Variants in CACNA2D4 observed in about 807,000 individuals in gnomAD.
CACNA2D4 encodes voltage-dependent calcium channel subunit alpha-2/delta-4.
A neutral mutation model predicts 163.8 loss-of-function variants in CACNA2D4; 157 were observed. That is an observed-to-expected ratio of 0.96 (90% confidence interval 0.84 to 1.09). The LOEUF is 1.09. Among genes scored for constraint, CACNA2D4 ranks in the 50% least tolerant of loss-of-function variants. CACNA2D4 has a pLI of 0.00. For synonymous variants in CACNA2D4, 598 were observed against 586.9 expected (o/e 1.02, Z -0.27); for missense variants, 1,410 against 1,479.9 (o/e 0.95, Z 0.78).
chr12:1,877,108 T>C (rs1036349496), intron 16 of CACNA2D4, among the ~76,000 whole-genome samples: 2 of 152,254 alleles, frequency 1.3e-5, no homozygotes, highest in African/African-American at 2.4e-5. Flanking sequence ...AATTGTTTCA[T>C]TTGTGTAAGT....
chr12:1,834,234 T>G lies in CACNA2D4; in HGVS notation c.2551+6505A>C, dbSNP rs750898578. 6.6e-7 allele frequency: 1 copy of G among 1,522,176 alleles called. No individual in the cohort carries two copies. 94.3% of individuals were successfully genotyped at this position (1,522,176 alleles called of 1,614,324 possible). A position where few individuals can be genotyped will look rare whatever the true frequency, so the allele number is the denominator to read the frequency against. On this transcript the variant is annotated intron_variant, in intron 26 of 37. Transcript: ENST00000382722. The surrounding 1 kb of genome is among the most constrained non-coding windows in gnomAD (Gnocchi z 7.6). Reference sequence around the variant, plus strand: ...AGAGGGAGTGCAAGTTCTAGATGCCTGGTCAGCCCCTCTTTTTCTCTTCTG... The same window carrying G: ...AGAGGGAGTGCAAGTTCTAGATGCCGGGTCAGCCCCTCTTTTTCTCTTCTG...
chr12:1,867,807 G>A (rs964682819), intron 18 of CACNA2D4, among the ~76,000 whole-genome samples: 9 of 151,962 alleles, frequency 5.9e-5, no homozygotes, highest in African/African-American at 1.9e-4. Flanking sequence ...ATTTAAATAT[G>A]GACCTGAATA....
intron 23 of CACNA2D4, among the ~76,000 whole-genome samples, chr12:1,852,290 G>A (rs547035797): frequency 6.6e-6 from 1 of 152,246 alleles, no homozygotes; most frequent in East Asian, 1.9e-4. Context: ...TCTTGTTCCT[G>A]TCTTTAGTGA....
chr12:1,867,555 A>G (rs184522610), intron 18 of CACNA2D4, among the ~76,000 whole-genome samples: 3 of 152,348 alleles, frequency 2.0e-5, no homozygotes, highest in Non-Finnish European at 2.9e-5. Context: ...TGGAAGCATA[A>G]GAAACAACAG....
Position 1,793,710 on chromosome 12 carries a change from G to T in CACNA2D4, c.3359C>A (p.Pro1120His), listed in dbSNP as rs1863036521. The change falls in exon 38 of 38, where the codon CCC (proline) becomes CAC (histidine). Residue 1120 changes from proline (P) to histidine (H), a missense_variant. By Grantham distance (77) the Pro-to-His change is moderately conservative. Transcript: ENST00000382722. ...GGCACACACAGGCAGCAGGAGTAGG[G>T]GCGGCGAGGCTGAGGTGTCCGAGGC... ...GGASDTSASP[P>H]LLLLPVCAWG... The T allele has an allele frequency of 6.2e-7, 1 of 1,613,646 alleles. No individual in the cohort carries two copies. The highest frequency in any genetic ancestry group is 1.1e-5 in the South Asian group (1 of 91,084).
intron 2 of CACNA2D4, among the ~76,000 whole-genome samples, chr12:1,914,170 G>A (rs1418159323): frequency 6.6e-6 from 1 of 152,210 alleles, no homozygotes; most frequent in Non-Finnish European, 1.5e-5. Flanking sequence ...GGATCTTTGT[G>A]ATATGGAAAA....
intron 29 of CACNA2D4, among the ~76,000 whole-genome samples, chr12:1,804,121 C>CTG (rs57706301): frequency 0.13 from 17,566 of 138,992 alleles, 1,083 homozygotes; most frequent in African/African-American, 0.16. Context: ...ATTCTAGTTA[C>CTG]TGTGTGTGTG....
chr12:1,891,694 A>G (rs192670862), intron 6 of CACNA2D4, among the ~76,000 whole-genome samples: 1 of 152,186 alleles, frequency 6.6e-6, no homozygotes, highest in Admixed American at 6.5e-5. Flanking sequence ...AAAAAAACTC[A>G]GGATATGAAT....
In CACNA2D4 at chr12:1,793,764, G is replaced by T. The variant is rs373399976; in HGVS notation, c.3310-5C>A. On this transcript the variant is annotated splice_region_variant and splice_polypyrimidine_tract_variant and intron_variant, in intron 37 of 37. Coordinates refer to ENST00000382722, the MANE Select transcript of CACNA2D4 (RefSeq NM_172364.5). ...GCCGCAGTCCTGGGCATTCTCCTGC[G>T]AACGCAGAGCAGAGGTGACAGCGCG... The T allele has an allele frequency of 3.9e-5, 63 of 1,611,748 alleles. No individual in the cohort carries two copies. Among genetic ancestry groups the T allele is most frequent in the Non-Finnish European group, 4.7e-5 (56 of 1,178,968 alleles).
chr12:1,913,947 T>C (rs1326097241), intron 2 of CACNA2D4, among the ~76,000 whole-genome samples: 2 of 152,244 alleles, frequency 1.3e-5, no homozygotes, highest in South Asian at 2.1e-4. Context: ...TGCTCTATGC[T>C]CCTCTCCCCG....
In CACNA2D4 at chr12:1,834,457, TGAGCCG is replaced by T; in HGVS notation, c.2551+6276_2551+6281del. 1 of 1,611,542 alleles carries T rather than the reference TGAGCCG, an allele frequency of 6.2e-7. No homozygotes were observed. ...AGCCTGCTAAGCCCAAGCCCGGGGCTGAGCCGGAGCCGGAGCCCAGCACAGCCTGCC... is the reference window on the plus strand; with the variant it reads ...AGCCTGCTAAGCCCAAGCCCGGGGCTGAGCCGGAGCCCAGCACAGCCTGCC... On this transcript the variant is annotated intron_variant, in intron 26 of 37. Transcript: ENST00000382722. The surrounding 1 kb of genome is among the most constrained non-coding windows in gnomAD (Gnocchi z 7.6).
chr12:1,911,878 G>A (rs937528587), intron 3 of CACNA2D4, among the ~76,000 whole-genome samples: 1 of 152,196 alleles, frequency 6.6e-6, no homozygotes, highest in Non-Finnish European at 1.5e-5. Context: ...GTGTTACTGC[G>A]GGTGCCAGGC....
intron 23 of CACNA2D4, among the ~76,000 whole-genome samples, chr12:1,848,778 A>ATTATTATTATTATTATTT (rs1198136647): frequency 3.3e-4 from 50 of 150,434 alleles, no homozygotes; most frequent in African/African-American, 1.1e-3. Flanking sequence ...TATTATTATT[A>ATTATTATTATTATTATTT]TTATTTTTAT....
intron 18 of CACNA2D4, among the ~76,000 whole-genome samples, chr12:1,862,044 C>G (rs530158300): frequency 6.6e-6 from 1 of 152,344 alleles, no homozygotes; most frequent in African/African-American, 2.4e-5. Flanking sequence ...ATATTGCTGT[C>G]CGTCCAGTAG....
At position 1,806,919 on chromosome 12, in the gene CACNA2D4, G is replaced by T. The variant is rs1863557254; in HGVS notation, c.2721+3359C>A. Among the ~76,000 whole-genome samples, 1 of 152,088 alleles carries T rather than the reference G, an allele frequency of 6.6e-6. No homozygotes were observed. The highest frequency in any genetic ancestry group is 1.5e-5 in the Non-Finnish European group (1 of 68,024). On this transcript the variant is annotated intron_variant, in intron 29 of 37. Transcript: ENST00000382722. The surrounding 1 kb of genome is among the most constrained non-coding windows in gnomAD (Gnocchi z 4.1). ...GAGGCCAGGCCCTGTGGCCCTCGAT[G>T]GCACTTGTGTGTTTGGGGAAGAGGG...
chr12:1,792,100 T>C lies in CACNA2D4; in HGVS notation c.*1555A>G, dbSNP rs1378842920. The C allele has an allele frequency of 6.6e-6, 1 of 152,246 alleles. No individual in the cohort carries two copies. The highest frequency in any genetic ancestry group is 1.5e-5 in the Non-Finnish European group (1 of 68,038). The allele number at this position is 152,246 out of a possible 1,614,324, so 9.4% of individuals were successfully genotyped here. On this transcript the variant is annotated 3_prime_UTR_variant, in exon 38 of 38. Transcript: ENST00000382722. ...ATTTTCAACTCTGCTGCAGTTTCTATAACATGGGACTAATGATAGTACCCA... is the reference window on the plus strand; with the variant it reads ...ATTTTCAACTCTGCTGCAGTTTCTACAACATGGGACTAATGATAGTACCCA...
intron 18 of CACNA2D4, among the ~76,000 whole-genome samples, chr12:1,872,470 A>C (rs1297912244): frequency 6.6e-6 from 1 of 152,218 alleles, no homozygotes; most frequent in Non-Finnish European, 1.5e-5. Flanking sequence ...GCTTTTAGAA[A>C]GCTTTCCTCA....
chr12:1,887,216 C>T (rs1259566438), intron 6 of CACNA2D4, 147 bp from the exon 7 acceptor site: 4 of 610,654 alleles, frequency 6.6e-6, no homozygotes, highest in Middle Eastern at 4.4e-4. Context: ...TGGGACATGC[C>T]CTGTAGACTG....
Position 1,833,816 on chromosome 12 carries a change from G to C in CACNA2D4, c.2551+6923C>G, listed in dbSNP as rs994815818. ...AAGGATAAGATGCTGTGTTGAGAAC[G>C]GTATCCTGGGCTCACAGACAGGTGA... On this transcript the variant is annotated intron_variant, in intron 26 of 37. Transcript: ENST00000382722. This position sits in a 1 kb window ranked among gnomAD's most constrained non-coding sequence, Gnocchi z 4.2. 6.6e-6 allele frequency among the ~76,000 whole-genome samples: 1 copy of C among 152,128 alleles called. No homozygotes were observed. Among genetic ancestry groups the C allele is most frequent in the African/African-American group, 2.4e-5 (1 of 41,408 alleles).
Sources: gnomAD v4.1 joint callset for allele counts (sites outside exome capture counted in the v4.1 genomes callset) on GRCh38, gnomAD v4.1.1 for gene constraint, Gnocchi (gnomAD v3.1) non-coding constraint, MANE v1.5 for transcripts, NCBI Gene and HGNC (gene_info 2026-07-23, HGNC 2026-07-21) for gene names.